The following EIF2AK4 variants were observed in gnomAD, a reference collection of about 807,000 sequenced individuals.
EIF2AK4 encodes eIF-2-alpha kinase GCN2.
In EIF2AK4, 139 loss-of-function variants were observed where a neutral mutation model predicts 211.1. That is an observed-to-expected ratio of 0.66 (90% CI 0.57 to 0.76). EIF2AK4 has a LOEUF of 0.76. EIF2AK4 is among the 30% of genes least tolerant of loss of function. The pLI is 0.00. For synonymous variants in EIF2AK4, 710 were observed against 751.3 expected (o/e 0.94, Z 0.90); for missense variants, 1,664 against 2,043.8 (o/e 0.81, Z 3.58).
intron 35 of EIF2AK4, among the ~76,000 whole-genome samples, chr15:40,031,186 G>A (rs2035537824): frequency 6.6e-6 from 1 of 152,176 alleles, no homozygotes; most frequent in Non-Finnish European, 1.5e-5. Flanking sequence ...ATTGCAGTGA[G>A]CCAAGATCAT....
chr15:39,965,434 C>T (rs2034529829), intron 7 of EIF2AK4, among the ~76,000 whole-genome samples: 1 of 152,136 alleles, frequency 6.6e-6, no homozygotes, highest in African/African-American at 2.4e-5. Flanking sequence ...AAACATTGGT[C>T]TCTTTATTTG....
chr15:40,032,716 T>C, intron 36 of EIF2AK4, 41 bp from the exon 37 acceptor site: 1 of 1,589,162 alleles, frequency 6.3e-7, no homozygotes. Context: ...AAGGCAGTAT[T>C]GTGCTGCTGA....
At chr15:39,958,791 C>T (rs1046016656) in intron 6 of EIF2AK4, among the ~76,000 whole-genome samples, 10 of 152,100 alleles carry the variant, frequency 6.6e-5, no homozygotes, top group African/African-American at 2.2e-4. Flanking sequence ...CTTTCTCCCT[C>T]CTGCCCCAAC....
intron 4 of EIF2AK4, among the ~76,000 whole-genome samples, chr15:39,950,738 G>A (rs866180041): frequency 4.7e-4 from 64 of 137,598 alleles, no homozygotes; most frequent in African/African-American, 1.7e-3. Context: ...CTTGATGATC[G>A]GTGTTCACAC....
Position 39,990,263 on chromosome 15 carries a change from C to G in EIF2AK4, c.2527-10C>G. 1 of 1,613,100 alleles carries G rather than the reference C, an allele frequency of 6.2e-7. No homozygotes were observed. The highest frequency in any genetic ancestry group is 8.5e-7 in the Non-Finnish European group (1 of 1,179,108). On this transcript the variant is annotated splice_polypyrimidine_tract_variant and intron_variant, in intron 15 of 38. Coordinates refer to ENST00000263791, the MANE Select transcript of EIF2AK4 (RefSeq NM_001013703.4). ...AAACCATTGTTTGTTTCTTCACTCTCTTTCAACAGGGAATGATTCACCGGG... is the reference window on the plus strand; with the variant it reads ...AAACCATTGTTTGTTTCTTCACTCTGTTTCAACAGGGAATGATTCACCGGG...
chr15:40,019,962 T>C (rs964955276), intron 30 of EIF2AK4, among the ~76,000 whole-genome samples: 1 of 151,802 alleles, frequency 6.6e-6, no homozygotes, highest in Non-Finnish European at 1.5e-5. Context: ...AGTTCAAGAC[T>C]AGCCTGGGCA....
intron 33 of EIF2AK4, among the ~76,000 whole-genome samples, chr15:40,027,978 T>A (rs988409293): frequency 6.6e-6 from 1 of 151,900 alleles, no homozygotes. Flanking sequence ...CATAAAAAAA[T>A]GTCTAGAAGA....
At chr15:40,006,795 G>A (rs2035167969) in intron 23 of EIF2AK4, among the ~76,000 whole-genome samples, 1 of 152,130 alleles carries the variant, frequency 6.6e-6, no homozygotes, top group South Asian at 2.1e-4. Flanking sequence ...AAGGTTGATG[G>A]TATGTCTAGC....
chr15:39,952,139 A>G (rs1365432296), intron 4 of EIF2AK4, among the ~76,000 whole-genome samples: 1 of 152,226 alleles, frequency 6.6e-6, no homozygotes, highest in Non-Finnish European at 1.5e-5. Context: ...TCAAAACAAA[A>G]CAAACATCCT....
intron 3 of EIF2AK4, among the ~76,000 whole-genome samples, chr15:39,945,454 G>T (rs2064305040): frequency 1.3e-5 from 2 of 152,230 alleles, no homozygotes; most frequent in Non-Finnish European, 2.9e-5. Flanking sequence ...ATGCTGAGAA[G>T]AGATGAGGGA....
At chr15:39,996,209 T>G (rs2035016467) in intron 18 of EIF2AK4, among the ~76,000 whole-genome samples, 1 of 152,218 alleles carries the variant, frequency 6.6e-6, no homozygotes, top group Non-Finnish European at 1.5e-5. Flanking sequence ...TTGAAGGCCA[T>G]ATGACCCTGT....
At chr15:39,999,744 T>C (rs1031458051) in intron 20 of EIF2AK4, among the ~76,000 whole-genome samples, 3 of 152,358 alleles carry the variant, frequency 2.0e-5, no homozygotes, top group African/African-American at 4.8e-5. Flanking sequence ...TAGAAATACA[T>C]TGAGTCATGT....
chr15:39,944,700 T>A (rs1346474953), intron 3 of EIF2AK4, among the ~76,000 whole-genome samples: 1 of 152,212 alleles, frequency 6.6e-6, no homozygotes, highest in Non-Finnish European at 1.5e-5. Context: ...CCCAAAGTGC[T>A]GGGATTACAG....
Position 40,014,275 on chromosome 15 carries a change from C to A in EIF2AK4, c.3760-2227C>A, listed in dbSNP as rs1000796362. On this transcript the variant is annotated intron_variant, in intron 27 of 38. Transcript: ENST00000263791. ...AGGGACTCTGTATGGGGGCTGCAAACCCACATTTCCCTTCTGCACTGCCCT... is the reference window on the plus strand; with the variant it reads ...AGGGACTCTGTATGGGGGCTGCAAAACCACATTTCCCTTCTGCACTGCCCT... Among the ~76,000 whole-genome samples the A allele has an allele frequency of 7.2e-5, 11 of 152,360 alleles. No homozygotes were observed. In the South Asian group the frequency reaches 1.4e-3, roughly 20 times the overall value.
At chr15:39,981,841 G>A (rs1332642331) in intron 13 of EIF2AK4, among the ~76,000 whole-genome samples, 4 of 151,774 alleles carry the variant, frequency 2.6e-5, no homozygotes, top group African/African-American at 4.8e-5. Context: ...GTCCTAGAGG[G>A]TCATTCACTG....
chr15:39,946,935 T>TTA (rs2140900826), intron 3 of EIF2AK4: 2 of 408,302 alleles, frequency 4.9e-6, no homozygotes, highest in South Asian at 6.9e-5. Flanking sequence ...ATTTCACACT[T>TTA]AATAGACTAC....
intron 3 of EIF2AK4, among the ~76,000 whole-genome samples, chr15:39,945,307 T>C (rs1026649108): frequency 5.3e-5 from 8 of 152,072 alleles, no homozygotes; most frequent in African/African-American, 1.7e-4. Context: ...TTGAGATAAT[T>C]ATATATTTAT....
intron 18 of EIF2AK4, among the ~76,000 whole-genome samples, chr15:39,993,202 GTCCA>G (rs1427850574): frequency 1.4e-5 from 2 of 146,144 alleles, no homozygotes; most frequent in East Asian, 2.1e-4. Flanking sequence ...CCGTCCGTCC[GTCCA>G]TCCATCCATC....
intron 8 of EIF2AK4, among the ~76,000 whole-genome samples, chr15:39,966,179 T>C (rs1452165009): frequency 3.3e-5 from 5 of 152,144 alleles, no homozygotes; most frequent in Non-Finnish European, 7.3e-5. Context: ...TCTTGAAATA[T>C]TGCTTCAGGG....
Sources: allele counts gnomAD v4.1 joint callset (sites outside exome capture counted in the v4.1 genomes callset), GRCh38; gene constraint gnomAD v4.1.1; transcripts MANE v1.5; gene names NCBI Gene and HGNC (gene_info 2026-07-23, HGNC 2026-07-21).